The following DLG2 variants were observed in gnomAD, a reference collection of about 807,000 sequenced individuals.
The protein encoded by DLG2 is discs large MAGUK scaffold protein 2, also known as disks large homolog 2.
A neutral mutation model predicts 132.5 loss-of-function variants in DLG2; 45 were observed. The observed-to-expected ratio is 0.34, with a 90% CI of 0.27 to 0.44. The LOEUF (loss-of-function observed/expected upper bound fraction) is 0.44, where lower values mean the gene tolerates loss of function less well. Among genes scored for constraint, DLG2 ranks in the 20% least tolerant of loss-of-function variants. The probability of loss-of-function intolerance (pLI) is 1.00; values close to 1 mark genes in which losing one functional copy is unlikely to be tolerated. For synonymous variants in DLG2, 424 were observed against 419.6 expected (o/e 1.01, Z -0.13); for missense variants, 1,045 against 1,196.9 (o/e 0.87, Z 1.87).
intron 4 of DLG2, among the ~76,000 whole-genome samples, chr11:85,254,941 G>A (rs2076590458): frequency 6.6e-6 from 1 of 150,538 alleles, no homozygotes; most frequent in Non-Finnish European, 1.5e-5. Context: ...GGAGCTTATA[G>A]TAAGCCAAGA....
At chr11:85,476,885 T>C (rs917070251) in intron 3 of DLG2, among the ~76,000 whole-genome samples, 24 of 152,108 alleles carry the variant, frequency 1.6e-4, no homozygotes, top group African/African-American at 5.8e-4. Context: ...CACTCTAAAA[T>C]AATAATAAAA....
chr11:84,203,531 G>A (rs138187715), intron 8 of DLG2, among the ~76,000 whole-genome samples: 7,760 of 132,524 alleles, frequency 0.059, 625 homozygotes, highest in African/African-American at 0.19. Flanking sequence ...GCAGTGAGCC[G>A]AGATTGAGCC....
chr11:84,966,806 T>G (rs2053414343), intron 6 of DLG2, among the ~76,000 whole-genome samples: 2 of 152,106 alleles, frequency 1.3e-5, no homozygotes. Flanking sequence ...CTTTCTACAG[T>G]ACACGGGAAA....
chr11:83,705,009 T>C (rs1238493945), intron 18 of DLG2, among the ~76,000 whole-genome samples: 1 of 152,106 alleles, frequency 6.6e-6, no homozygotes, highest in African/African-American at 2.4e-5. Context: ...TGCACAAATA[T>C]ACCTCCTGAA....
intron 14 of DLG2, among the ~76,000 whole-genome samples, chr11:83,939,021 G>A (rs982873822): frequency 1.3e-5 from 2 of 152,146 alleles, no homozygotes; most frequent in Non-Finnish European, 2.9e-5. Context: ...AATGACATCA[G>A]CTGGCATTAG....
intron 6 of DLG2, among the ~76,000 whole-genome samples, chr11:84,674,868 A>G (rs372978167): frequency 1.3e-5 from 2 of 152,070 alleles, no homozygotes; most frequent in Admixed American, 6.6e-5. Flanking sequence ...TCTAAAATCT[A>G]TTACTTCAGC....
At chr11:83,990,196 A>C (rs965022476) in intron 11 of DLG2, among the ~76,000 whole-genome samples, 2 of 152,162 alleles carry the variant, frequency 1.3e-5, no homozygotes. Flanking sequence ...GTAAAAGAAA[A>C]AGGCATGCCA....
At chr11:84,228,778 A>G (rs1024609235) in intron 8 of DLG2, among the ~76,000 whole-genome samples, 1 of 152,218 alleles carries the variant, frequency 6.6e-6, no homozygotes, top group South Asian at 2.1e-4. Flanking sequence ...TTTCAGCCCA[A>G]TGCTTGTAAT....
intron 6 of DLG2, among the ~76,000 whole-genome samples, chr11:84,855,322 C>T (rs760719617): frequency 3.3e-5 from 5 of 151,954 alleles, no homozygotes; most frequent in Non-Finnish European, 5.9e-5. Flanking sequence ...AAGTGATAAC[C>T]GGGAATAATG....
chr11:85,091,635 T>C (rs1036685348), intron 6 of DLG2, among the ~76,000 whole-genome samples: 2 of 152,266 alleles, frequency 1.3e-5, no homozygotes, highest in African/African-American at 4.8e-5. Context: ...AAAGACTTTG[T>C]TGTCGTGTCT....
intron 3 of DLG2, among the ~76,000 whole-genome samples, chr11:85,445,448 T>C (rs1365859635): frequency 1.3e-5 from 2 of 152,040 alleles, no homozygotes; most frequent in Non-Finnish European, 2.9e-5. Context: ...GTGGCCAAGG[T>C]GGGTGGATCA....
At chr11:84,612,228 T>C (rs558364922) in intron 6 of DLG2, among the ~76,000 whole-genome samples, 2 of 152,266 alleles carry the variant, frequency 1.3e-5, no homozygotes, top group East Asian at 3.9e-4. Flanking sequence ...TATTTTGAGA[T>C]TGATTTCTAT....
chr11:84,497,882 A>C (rs1030818412), intron 7 of DLG2, among the ~76,000 whole-genome samples: 7 of 152,164 alleles, frequency 4.6e-5, no homozygotes, highest in African/African-American at 1.7e-4. Context: ...GGAAGGAGAC[A>C]TTAAAAGGTA....
At chr11:85,067,483 G>C (rs1593535061) in intron 6 of DLG2, among the ~76,000 whole-genome samples, 1 of 151,672 alleles carries the variant, frequency 6.6e-6, no homozygotes, top group African/African-American at 2.4e-5. Flanking sequence ...TGGGTATTTA[G>C]TGCTATAAAT....
At chr11:84,398,794 T>C (rs542539232) in intron 7 of DLG2, among the ~76,000 whole-genome samples, 1 of 152,318 alleles carries the variant, frequency 6.6e-6, no homozygotes, top group Non-Finnish European at 1.5e-5. Context: ...ATGATCTGTG[T>C]TGTAACATCA....
chr11:84,700,737 A>G (rs1269336777), intron 6 of DLG2, among the ~76,000 whole-genome samples: 3 of 151,534 alleles, frequency 2.0e-5, no homozygotes, highest in Admixed American at 1.3e-4. Flanking sequence ...GGTCTGTCTT[A>G]TTTTAACATC....
intron 6 of DLG2, among the ~76,000 whole-genome samples, chr11:84,816,240 G>A (rs1413576704): frequency 1.3e-5 from 2 of 151,980 alleles, no homozygotes; most frequent in African/African-American, 4.8e-5. Flanking sequence ...AGACAGAGTA[G>A]GGGCTGCCTC....
intron 3 of DLG2, among the ~76,000 whole-genome samples, chr11:85,309,486 A>G (rs2080179849): frequency 6.6e-6 from 1 of 152,196 alleles, no homozygotes; most frequent in Admixed American, 6.6e-5. Context: ...AGTAAAACCA[A>G]GTTATAAACC....
intron 6 of DLG2, among the ~76,000 whole-genome samples, chr11:85,013,199 GTA>G (rs1295733522): frequency 6.6e-6 from 1 of 152,112 alleles, no homozygotes; most frequent in Non-Finnish European, 1.5e-5. Context: ...AGCACTTGTA[GTA>G]TAGTAGCCTT....
Sources: allele counts gnomAD v4.1 joint callset (sites outside exome capture counted in the v4.1 genomes callset), GRCh38; gene constraint gnomAD v4.1.1; transcripts MANE v1.5; gene names NCBI Gene and HGNC (gene_info 2026-07-23, HGNC 2026-07-21).